The following C10orf67 variants were observed in gnomAD, a reference collection of about 807,000 sequenced individuals.
C10orf67 encodes the protein uncharacterized protein C10orf67, mitochondrial.
A neutral mutation model predicts 35.6 loss-of-function variants in C10orf67; 60 were observed. That is an observed-to-expected ratio of 1.68 (90% CI 1.37 to 2.09). The LOEUF (loss-of-function observed/expected upper bound fraction) is 2.09, where lower values mean the gene tolerates loss of function less well. Ranked by LOEUF, C10orf67 falls within the 30% of genes most tolerant of loss-of-function variation. The probability of loss-of-function intolerance (pLI) is 0.00; values close to 1 mark genes in which losing one functional copy is unlikely to be tolerated. For synonymous variants in C10orf67, 167 were observed against 115.8 expected (o/e 1.44, Z -2.84); for missense variants, 474 against 330.2 (o/e 1.44, Z -3.38).
intron 10 of C10orf67, among the ~76,000 whole-genome samples, chr10:23,255,700 G>GA (rs377033302): frequency 2.1e-4 from 31 of 146,970 alleles, no homozygotes; most frequent in South Asian, 1.1e-3. Flanking sequence ...GTTTATAACC[G>GA]AAAAAAAAAA....
Position 23,329,812 on chromosome 10 carries a change from A to AAAAAAG in C10orf67, c.327+3249_327+3250insCTTTTT, listed in dbSNP as rs905791499. Among the ~76,000 whole-genome samples the AAAAAAG allele has an allele frequency of 4.9e-3, 730 of 148,444 alleles. 13 individuals are homozygous for AAAAAAG. Among genetic ancestry groups the AAAAAAG allele is most frequent in the African/African-American group, 0.017 (694 of 39,676 alleles). ...GAACTTGTCTCAAAAAAAAAAAAAAAAAAAGAAAAGAAAAGAAAAAAATTA... is the reference window on the plus strand; with the variant it reads ...GAACTTGTCTCAAAAAAAAAAAAAAAAAAAAGAAAAGAAAAGAAAAGAAAAAAATTA... On this transcript the variant is annotated intron_variant, in intron 2 of 15. Coordinates refer to ENST00000636213, the MANE Select transcript of C10orf67 (RefSeq NM_001371909.1).
intron 15 of C10orf67, among the ~76,000 whole-genome samples, chr10:23,210,359 T>G (rs964289488): frequency 2.0e-5 from 3 of 152,124 alleles, no homozygotes; most frequent in African/African-American, 7.2e-5. Context: ...AATAGGGATA[T>G]TGTGAGAACA....
chr10:23,325,681 T>TAAAAAAAAAAAAAAA (rs5783837), intron 2 of C10orf67, among the ~76,000 whole-genome samples: 1 of 145,036 alleles, frequency 6.9e-6, no homozygotes, highest in African/African-American at 2.5e-5. Context: ...ATTATATATA[T>TAAAAAAAAAAAAAAA]AAAAAAAAAA....
At chr10:23,239,464 G>T (rs374170300) in intron 13 of C10orf67, among the ~76,000 whole-genome samples, 2 of 152,124 alleles carry the variant, frequency 1.3e-5, no homozygotes, top group African/African-American at 4.8e-5. Context: ...ATGAGTGCCC[G>T]CTCCTCTGAA....
intron 5 of C10orf67, among the ~76,000 whole-genome samples, chr10:23,302,395 C>T (rs983999232): frequency 5.9e-5 from 9 of 152,098 alleles, no homozygotes; most frequent in African/African-American, 1.9e-4. Flanking sequence ...CCATCTACTA[C>T]GTTTGCCCAT....
At position 23,243,898 on chromosome 10, in the gene C10orf67, C is replaced by G. The variant is rs191821102; in HGVS notation, c.1347-4082G>C. Among the ~76,000 whole-genome samples, 465 of 152,044 alleles carry G rather than the reference C, an allele frequency of 3.1e-3. 4 individuals are homozygous for G. The highest frequency in any genetic ancestry group is 0.011 in the African/African-American group (444 of 41,478). On this transcript the variant is annotated intron_variant, in intron 12 of 15. Coordinates refer to ENST00000636213, the MANE Select transcript of C10orf67 (RefSeq NM_001371909.1). ...CTGGAAATAAAACATATTACTTACT[C>G]TTTTTTATCTTGAGAAAAGGTCCCA...
intron 15 of C10orf67, among the ~76,000 whole-genome samples, chr10:23,214,945 C>T (rs2132092107): frequency 6.6e-6 from 1 of 152,244 alleles, no homozygotes; most frequent in East Asian, 1.9e-4. Context: ...GTCACTTGAA[C>T]CTGGGAGGCG....
chr10:23,295,118 C>A (rs1040095957), intron 5 of C10orf67, among the ~76,000 whole-genome samples: 1 of 152,146 alleles, frequency 6.6e-6, no homozygotes, highest in Non-Finnish European at 1.5e-5. Flanking sequence ...TCCATACACC[C>A]CGTTAATCAG....
chr10:23,228,216 A>G (rs1416653385), intron 13 of C10orf67, among the ~76,000 whole-genome samples: 2 of 152,248 alleles, frequency 1.3e-5, no homozygotes, highest in African/African-American at 4.8e-5. Flanking sequence ...TAACCAAAAA[A>G]GCATGGTACT....
intron 10 of C10orf67, among the ~76,000 whole-genome samples, chr10:23,256,176 A>AT (rs1457795489): frequency 5.3e-5 from 8 of 151,534 alleles, no homozygotes; most frequent in African/African-American, 1.2e-4. Context: ...TAATTTTCGT[A>AT]TTTTTTTTAG....
At chr10:23,225,696 C>CA (rs1180291516) in intron 13 of C10orf67, among the ~76,000 whole-genome samples, 7 of 151,528 alleles carry the variant, frequency 4.6e-5, no homozygotes, top group Admixed American at 2.6e-4. Flanking sequence ...AAATGGAAAA[C>CA]AAAAAAAGGC....
At chr10:23,208,484 A>G (rs1841216850) in intron 15 of C10orf67, among the ~76,000 whole-genome samples, 1 of 152,198 alleles carries the variant, frequency 6.6e-6, no homozygotes, top group African/African-American at 2.4e-5. Flanking sequence ...AGACCTCAGG[A>G]GGCCCACCTT....
At chr10:23,272,753 A>T (rs939953200) in intron 8 of C10orf67, among the ~76,000 whole-genome samples, 1 of 152,174 alleles carries the variant, frequency 6.6e-6, no homozygotes, top group Non-Finnish European at 1.5e-5. Flanking sequence ...TTTGATTAGG[A>T]TTGTGTTTAA....
At chr10:23,232,927 C>A (rs573280529) in intron 13 of C10orf67, among the ~76,000 whole-genome samples, 1 of 152,002 alleles carries the variant, frequency 6.6e-6, no homozygotes, top group Non-Finnish European at 1.5e-5. Flanking sequence ...GAGGCTGAGG[C>A]GGGAGGATCA....
intron 4 of C10orf67, among the ~76,000 whole-genome samples, chr10:23,308,585 T>C (rs1564502392): frequency 1.3e-5 from 2 of 152,172 alleles, no homozygotes. Flanking sequence ...TCTGTGCCTT[T>C]GTACTTGGAG....
chr10:23,342,633 C>T (rs1331292924), intron 1 of C10orf67, among the ~76,000 whole-genome samples: 1 of 152,338 alleles, frequency 6.6e-6, no homozygotes, highest in South Asian at 2.1e-4. Context: ...CCATTCCTAT[C>T]AGCAAACACT....
At chr10:23,274,285 G>A (rs918876458) in intron 8 of C10orf67, among the ~76,000 whole-genome samples, 4 of 152,056 alleles carry the variant, frequency 2.6e-5, no homozygotes, top group Non-Finnish European at 4.4e-5. Flanking sequence ...AACAGCGTTC[G>A]GGAGCAGACA....
At chr10:23,252,920 G>C (rs1216027107) in intron 10 of C10orf67, among the ~76,000 whole-genome samples, 1 of 152,122 alleles carries the variant, frequency 6.6e-6, no homozygotes, top group African/African-American at 2.4e-5. Context: ...GACCTGGTGG[G>C]AGATGATTGA....
intron 8 of C10orf67, among the ~76,000 whole-genome samples, chr10:23,277,864 G>A (rs1020997814): frequency 3.9e-5 from 6 of 152,098 alleles, no homozygotes; most frequent in African/African-American, 1.4e-4. Context: ...ATTGGCTCAC[G>A]GTTCTGCACG....
Sources: allele counts gnomAD v4.1 joint callset (sites outside exome capture counted in the v4.1 genomes callset), GRCh38; gene constraint gnomAD v4.1.1; transcripts MANE v1.5; gene names NCBI Gene and HGNC (gene_info 2026-07-23, HGNC 2026-07-21).